Variants in ARMC7 observed in about 807,000 individuals in gnomAD.
ARMC7 encodes the protein armadillo repeat containing 7, also known as armadillo repeat-containing protein 7.
Under a neutral mutation model 14.8 loss-of-function variants are expected in ARMC7, and 9 were observed. The ratio of observed to expected loss-of-function variants is 0.61; its 90% CI spans 0.37 to 1.06. The LOEUF (loss-of-function observed/expected upper bound fraction) is 1.06. ARMC7 is among the 50% of genes least tolerant of loss of function. The pLI is 0.01. For missense variants in ARMC7, 262 were observed against 267.1 expected (o/e 0.98, Z 0.13); for synonymous variants, 125 against 123.4 (o/e 1.01, Z -0.09).
At chr17:75,113,014 T>TTTATC (rs2073940475) in intron 2 of ARMC7, among the ~76,000 whole-genome samples, 1 of 151,378 alleles carries the variant, frequency 6.6e-6, no homozygotes, top group African/African-American at 2.4e-5. Flanking sequence ...CATTTTTTAT[T>TTTATC]TTATTTTATT....
In ARMC7 at chr17:75,123,205, A is replaced by ATTT. The variant is rs555791092; in HGVS notation, c.236-5454_236-5452dup. Among the ~76,000 whole-genome samples the ATTT allele has an allele frequency of 6.0e-3, 757 of 125,546 alleles. 11 individuals are homozygous for ATTT. Among genetic ancestry groups the ATTT allele is most frequent in the African/African-American group, 0.022 (712 of 32,616 alleles). 82.4% of individuals were successfully genotyped at this position (125,546 alleles called of 152,430 possible). A position where few individuals can be genotyped will look rare whatever the true frequency, so the allele number is the denominator to read the frequency against. ...AGGGACACACCATCAGGCCCAGCTA[A>ATTT]TTTTTTTTTTTTTTTTTTTTACTTA... On this transcript the variant is annotated intron_variant, in intron 2 of 2. Coordinates refer to ENST00000245543, the MANE Select transcript of ARMC7 (RefSeq NM_024585.4).
intron 2 of ARMC7, among the ~76,000 whole-genome samples, chr17:75,118,857 A>G (rs937126097): frequency 2.6e-5 from 4 of 152,148 alleles, no homozygotes; most frequent in African/African-American, 4.8e-5. Context: ...CCCTTTGTAC[A>G]TATCGGGAAC....
intron 2 of ARMC7, among the ~76,000 whole-genome samples, chr17:75,119,729 A>G (rs896291382): frequency 3.3e-5 from 5 of 150,914 alleles, no homozygotes; most frequent in Non-Finnish European, 7.4e-5. Flanking sequence ...TCAAAGTGCT[A>G]GGATTACAGG....
In ARMC7 at chr17:75,114,890, C is replaced by T. The variant is rs1001074929; in HGVS notation, c.235+4284C>T. ...AGAGCCCCCGCGTATTTTCTTACTG[C>T]CGTCGTTTCCCTTTCTCTTAGTGTC... On this transcript the variant is annotated intron_variant, in intron 2 of 2. Transcript: ENST00000245543. 7.7e-6 allele frequency: 3 copies of T among 390,552 alleles called. 1 individual carries two copies. The Admixed American group carries it at 1.3e-4, about 17-fold the overall frequency. The allele number at this position is 390,552 out of a possible 1,614,324, so 24.2% of individuals were successfully genotyped here.
rs1402796479 is a variant in ARMC7, at chr17:75,128,662, C to T, written c.236-15C>T. Reference sequence around the variant, plus strand: ...CGGGGCTACAGCATCCAGACTCTTCCTTGCTCTCCCACAGGAGGCCTGTGC... The same window carrying T: ...CGGGGCTACAGCATCCAGACTCTTCTTTGCTCTCCCACAGGAGGCCTGTGC... On this transcript the variant is annotated splice_polypyrimidine_tract_variant and intron_variant, in intron 2 of 2. Transcript: ENST00000245543. 3 of 1,603,188 alleles carry T rather than the reference C, an allele frequency of 1.9e-6. No individual in the cohort carries two copies. Among genetic ancestry groups the T allele is most frequent in the East Asian group, 4.5e-5 (2 of 44,726 alleles).
Position 75,128,783 on chromosome 17 carries a change from G to C in ARMC7, c.342G>C (p.Thr114=), listed in dbSNP as rs1190136418. The C allele has an allele frequency of 1.1e-5, 17 of 1,613,258 alleles. No individual in the cohort carries two copies. The highest frequency in any genetic ancestry group is 1.4e-5 in the Non-Finnish European group (17 of 1,180,018). Residue 114 remains threonine, a synonymous_variant, in exon 3 of 3, where the codon ACG becomes ACC. Transcript: ENST00000245543. ...GCCTATCCAGCCCCAATGAGGAGAC[G>C]GTGCTGTCTGCCATCACCACGCTCA... The part of the protein sequence containing the change: ...INCLSSPNEE[T]VLSAITTLMH...
intron 2 of ARMC7, among the ~76,000 whole-genome samples, chr17:75,124,355 G>T (rs111356133): frequency 1.3e-5 from 2 of 152,268 alleles, no homozygotes; most frequent in African/African-American, 4.8e-5. Context: ...GAGGGAGAGG[G>T]TGGCTCTCCT....
At chr17:75,125,727 C>T (rs777304522) in intron 2 of ARMC7, among the ~76,000 whole-genome samples, 106 of 152,116 alleles carry the variant, frequency 7.0e-4, no homozygotes, top group Non-Finnish European at 1.4e-3. Flanking sequence ...CCTGTAATCC[C>T]AGCTACTTGG....
intron 2 of ARMC7, among the ~76,000 whole-genome samples, chr17:75,120,926 T>C (rs928858819): frequency 1.3e-5 from 2 of 152,050 alleles, no homozygotes; most frequent in Non-Finnish European, 2.9e-5. Flanking sequence ...TACATCCATG[T>C]AAGCAGCTCC....
At chr17:75,122,431 G>A (rs557245052) in intron 2 of ARMC7, among the ~76,000 whole-genome samples, 4 of 151,676 alleles carry the variant, frequency 2.6e-5, no homozygotes, top group African/African-American at 9.7e-5. Context: ...GAGTGATCTC[G>A]GCTCACCGCA....
intron 2 of ARMC7, chr17:75,114,952 G>A (rs1598164864): frequency 2.6e-6 from 1 of 380,774 alleles, no homozygotes; most frequent in African/African-American, 2.1e-5. Context: ...TTATTCTGCT[G>A]TTTCTGGAGA....
chr17:75,119,446 G>GTTTTTTTTTTTTTT (rs147340090), intron 2 of ARMC7, among the ~76,000 whole-genome samples: 1 of 120,068 alleles, frequency 8.3e-6, no homozygotes, highest in African/African-American at 3.5e-5. Context: ...CTGTGATACA[G>GTTTTTTTTTTTTTT]TTTTTTCTTT....
chr17:75,126,890 G>A (rs182486910), intron 2 of ARMC7, among the ~76,000 whole-genome samples: 1,586 of 151,584 alleles, frequency 0.01, 28 homozygotes, highest in South Asian at 0.083. Context: ...GTGAAACCCC[G>A]TCTCTACTAA....
intron 2 of ARMC7, among the ~76,000 whole-genome samples, chr17:75,126,344 A>G (rs143721190): frequency 1.3e-5 from 2 of 152,242 alleles, no homozygotes; most frequent in East Asian, 3.9e-4. Flanking sequence ...TTCCAGCCAC[A>G]TTACCTGAGC....
At chr17:75,119,637 T>C (rs2073999307) in intron 2 of ARMC7, among the ~76,000 whole-genome samples, 1 of 151,136 alleles carries the variant, frequency 6.6e-6, no homozygotes, top group African/African-American at 2.4e-5. Context: ...TTTTTTTTTT[T>C]TTTTAGTAGA....
intron 2 of ARMC7, among the ~76,000 whole-genome samples, chr17:75,116,088 G>T (rs1012163127): frequency 6.6e-6 from 1 of 152,190 alleles, no homozygotes; most frequent in Non-Finnish European, 1.5e-5. Flanking sequence ...CAGGAACACC[G>T]ATCCTCAGCC....
chr17:75,114,657 A>G (rs1237407766), intron 2 of ARMC7: 1 of 397,412 alleles, frequency 2.5e-6, no homozygotes, highest in East Asian at 3.6e-5. Flanking sequence ...AATTGTTAGG[A>G]TCATTATCAC....
chr17:75,111,487 T>G (rs1194371611), intron 2 of ARMC7, among the ~76,000 whole-genome samples: 10 of 151,212 alleles, frequency 6.6e-5, no homozygotes, highest in South Asian at 2.1e-4. Flanking sequence ...CTCACACCTT[T>G]AATCTCAGCA....
intron 2 of ARMC7, among the ~76,000 whole-genome samples, chr17:75,116,234 A>G (rs990119866): frequency 2.6e-5 from 4 of 152,198 alleles, no homozygotes; most frequent in Non-Finnish European, 4.4e-5. Flanking sequence ...CATCTTGTGC[A>G]TTGGACATAG....
Sources: gnomAD v4.1 joint callset for allele counts (sites outside exome capture counted in the v4.1 genomes callset) on GRCh38, gnomAD v4.1.1 for gene constraint, MANE v1.5 for transcripts, NCBI Gene and HGNC (gene_info 2026-07-23, HGNC 2026-07-21) for gene names.